Variants in FBLN2 observed in about 807,000 individuals in gnomAD.
FBLN2 encodes the protein fibulin-2.
In FBLN2, 81 loss-of-function variants were observed where a neutral mutation model predicts 123.7. The observed-to-expected ratio is 0.65, with a 90% CI of 0.55 to 0.79. The LOEUF (loss-of-function observed/expected upper bound fraction) is 0.79, where lower values mean the gene tolerates loss of function less well. Ranked by LOEUF, FBLN2 falls within the 30% of genes least tolerant of loss-of-function variation. The pLI is 0.00. For synonymous variants in FBLN2, 699 were observed against 701.4 expected (o/e 1.00, Z 0.05); for missense variants, 1,603 against 1,681.3 (o/e 0.95, Z 0.81).
chr3:13,609,741 C>A, intron 4 of FBLN2, 99 bp downstream of exon 4: 1 of 1,397,900 alleles, frequency 7.2e-7, no homozygotes, highest in Non-Finnish European at 9.8e-7. Context: ...GTTAGGCTGT[C>A]CTTGGGGCTC....
intron 2 of FBLN2, among the ~76,000 whole-genome samples, chr3:13,583,129 C>G (rs1288479855): frequency 6.6e-6 from 1 of 152,270 alleles, no homozygotes; most frequent in African/African-American, 2.4e-5. Context: ...TGCCTGGCTG[C>G]AAGGCTGGCT....
At chr3:13,606,980 G>GTTGT (rs1442467071) in intron 2 of FBLN2, among the ~76,000 whole-genome samples, 30 of 151,464 alleles carry the variant, frequency 2.0e-4, no homozygotes, top group African/African-American at 6.1e-4. Flanking sequence ...TTTTCTTGTT[G>GTTGT]TTGTTTGTTT....
At chr3:13,614,975 T>C (rs1227556679) in intron 5 of FBLN2, among the ~76,000 whole-genome samples, 2 of 6,852 alleles carry the variant, frequency 2.9e-4, no homozygotes, top group Admixed American at 4.3e-3. Flanking sequence ...CATCTGCTTA[T>C]CCATCCATCC....
At chr3:13,636,206 T>C (rs1706459644) in intron 16 of FBLN2, among the ~76,000 whole-genome samples, 1 of 152,174 alleles carries the variant, frequency 6.6e-6, no homozygotes, top group Non-Finnish European at 1.5e-5. Context: ...AGCTGGGCTT[T>C]ATTCTGGAGC....
intron 1 of FBLN2, among the ~76,000 whole-genome samples, chr3:13,550,709 G>C (rs1186613776): frequency 1.3e-5 from 2 of 152,174 alleles, no homozygotes; most frequent in Non-Finnish European, 2.9e-5. Flanking sequence ...AGGAGGAAGA[G>C]AGGGAGGGGG....
At chr3:13,561,742 TTTC>T (rs1396308184) in intron 1 of FBLN2, among the ~76,000 whole-genome samples, 1 of 152,224 alleles carries the variant, frequency 6.6e-6, no homozygotes, top group African/African-American at 2.4e-5. Flanking sequence ...CGGGTAGGAC[TTTC>T]TTTCATCTTG....
At chr3:13,608,313 G>T (rs1385599849) in intron 3 of FBLN2, 140 bp downstream of exon 3, 1 of 645,986 alleles carries the variant, frequency 1.5e-6, no homozygotes, top group East Asian at 2.7e-5. Context: ...ATTGGGTGTG[G>T]CTGCCGTGCG....
chr3:13,588,112 C>T (rs1473437185), intron 2 of FBLN2, among the ~76,000 whole-genome samples: 1 of 152,206 alleles, frequency 6.6e-6, no homozygotes, highest in Non-Finnish European at 1.5e-5. Flanking sequence ...CCTATACAGG[C>T]GAACCACTTT....
intron 1 of FBLN2, among the ~76,000 whole-genome samples, chr3:13,567,516 CCTGGCTAATTTTTGTATTT>C (rs553453626): frequency 7.9e-4 from 120 of 152,338 alleles, no homozygotes; most frequent in African/African-American, 2.7e-3. Flanking sequence ...CGCCATCATG[CCTGGCTAATTTTTGTATTT>C]CTGGTAGAGA....
chr3:13,608,738 G>C (rs942976093), intron 3 of FBLN2, among the ~76,000 whole-genome samples: 1 of 151,980 alleles, frequency 6.6e-6, no homozygotes, highest in Non-Finnish European at 1.5e-5. Context: ...TTTTTCCAGG[G>C]ACCCCGTCTA....
At chr3:13,621,941 C>G in intron 9 of FBLN2, 26 bp downstream of exon 9, 2 of 1,604,756 alleles carry the variant, frequency 1.2e-6, no homozygotes, top group Middle Eastern at 3.3e-4. Flanking sequence ...GCCTGCCGCC[C>G]GCCGTCACAG....
intron 2 of FBLN2, among the ~76,000 whole-genome samples, chr3:13,580,761 A>G (rs562785521): frequency 4.6e-5 from 7 of 152,348 alleles, no homozygotes; most frequent in Non-Finnish European, 1.0e-4. Flanking sequence ...CACCTCGGCC[A>G]TGTATAAATT....
intron 2 of FBLN2, among the ~76,000 whole-genome samples, chr3:13,583,798 G>C (rs572321065): frequency 6.6e-6 from 1 of 152,212 alleles, no homozygotes; most frequent in Non-Finnish European, 1.5e-5. Context: ...CCCAGAACCT[G>C]GGGGTGGAGG....
chr3:13,572,235 G>C (rs754108187), intron 2 of FBLN2, among the ~76,000 whole-genome samples: 5 of 152,374 alleles, frequency 3.3e-5, no homozygotes, highest in Non-Finnish European at 7.3e-5. Context: ...AGGTGGGTGG[G>C]CCATTTGAGC....
intron 2 of FBLN2, among the ~76,000 whole-genome samples, chr3:13,582,049 T>A (rs112006643): frequency 3.9e-4 from 60 of 152,288 alleles, no homozygotes; most frequent in African/African-American, 1.4e-3. Context: ...GGGCTTACTG[T>A]TGGCTTCCTC....
At chr3:13,616,362 A>G (rs1324489324) in intron 5 of FBLN2, among the ~76,000 whole-genome samples, 11 of 152,172 alleles carry the variant, frequency 7.2e-5, no homozygotes, top group Non-Finnish European at 1.0e-4. Context: ...CCAGAGATCC[A>G]TGCTTCCTCC....
At chr3:13,591,805 T>G (rs1051312613) in intron 2 of FBLN2, among the ~76,000 whole-genome samples, 12 of 152,182 alleles carry the variant, frequency 7.9e-5, no homozygotes, top group Non-Finnish European at 1.5e-4. Context: ...TGTTTTATTG[T>G]TTTACCTTAC....
chr3:13,633,263 C>G (rs1368207793), intron 16 of FBLN2, among the ~76,000 whole-genome samples: 2 of 152,264 alleles, frequency 1.3e-5, no homozygotes, highest in Non-Finnish European at 2.9e-5. Context: ...CCCGCCACCC[C>G]GTCTCTGCAT....
rs1380491532 is a variant in FBLN2, at chr3:13,629,918, C to T, written c.2941C>T (p.Leu981=). 6.2e-7 allele frequency: 1 copy of T among 1,609,922 alleles called. No individual in the cohort carries two copies. Among genetic ancestry groups the T allele is most frequent in the Middle Eastern group, 1.6e-4 (1 of 6,062 alleles). The stretch of plus-strand genomic sequence containing the variant: ...CTGTTCCTGCGCCTCCGGGTTCCTG[C>T]TAGCAGCGGACGGCAAGCGCTGTGA... The part of the protein sequence containing the change: ...YRCSCASGFL[L]AADGKRCEDV... The change falls in exon 14 of 18, where the codon CTA becomes TTA. Residue 981 remains leucine (L), a synonymous_variant. Transcript: ENST00000404922.
Sources: allele counts gnomAD v4.1 joint callset (sites outside exome capture counted in the v4.1 genomes callset), GRCh38; gene constraint gnomAD v4.1.1; transcripts MANE v1.5; gene names NCBI Gene and HGNC (gene_info 2026-07-23, HGNC 2026-07-21).